Variants in PRRC2B observed in about 807,000 individuals in gnomAD.
PRRC2B encodes proline rich coiled-coil 2B.
A neutral mutation model predicts 242.3 loss-of-function variants in PRRC2B; 68 were observed. The ratio of observed to expected loss-of-function variants is 0.28; its 90% CI spans 0.23 to 0.34. The LOEUF is 0.34. Among genes scored for constraint, PRRC2B ranks in the 10% least tolerant of loss-of-function variants. PRRC2B has a pLI of 1.00. For missense variants in PRRC2B, 2,835 were observed against 2,954.8 expected, an observed-to-expected ratio of 0.96 and a Z score of 0.94; for synonymous variants, 1,228 against 1,173.6, an observed-to-expected ratio of 1.05 and a Z score of -0.95.
At chr9:131,423,358 G>A (rs746498971) in intron 1 of PRRC2B, among the ~76,000 whole-genome samples, 6 of 152,182 alleles carry the variant, frequency 3.9e-5, no homozygotes, top group Non-Finnish European at 8.8e-5. Context: ...CCCTGCCTCC[G>A]GATAGGCTAG....
intron 1 of PRRC2B, among the ~76,000 whole-genome samples, chr9:131,404,025 C>T (rs1837294673): frequency 6.6e-6 from 1 of 151,994 alleles, no homozygotes; most frequent in Non-Finnish European, 1.5e-5. Context: ...AAGCTGTCTT[C>T]CCATCTTGGC....
chr9:131,439,914 T>C (rs199574276), intron 5 of PRRC2B, among the ~76,000 whole-genome samples: 3 of 134,630 alleles, frequency 2.2e-5, no homozygotes, highest in Non-Finnish European at 4.9e-5. Context: ...TTTTTTTTTT[T>C]CTTTCCATTC....
In PRRC2B at chr9:131,474,481, C is replaced by G. The variant is rs564345992; in HGVS notation, c.2352C>G (p.Leu784=). Residue 784 remains leucine (L), a synonymous_variant, in exon 16 of 32, where the codon CTC becomes CTG. Coordinates refer to ENST00000683519, the MANE Select transcript of PRRC2B (RefSeq NM_013318.4). ...ATGAAAGCTCTTTCTCTGCCTCACT[C>G]GGAAGGGCAGGGGGCGTAAGTGCTC... ...VRNESSFSAS[L]GRAGGVSAQR... is the part of the protein sequence containing the mutation. 1 of 1,610,834 alleles carries G rather than the reference C, an allele frequency of 6.2e-7. No homozygotes were observed. Among genetic ancestry groups the G allele is most frequent in the South Asian group, 1.1e-5 (1 of 90,942 alleles).
At chr9:131,378,604 A>T (rs1836715646) in intron 1 of PRRC2B, among the ~76,000 whole-genome samples, 1 of 152,196 alleles carries the variant, frequency 6.6e-6, no homozygotes, top group African/African-American at 2.4e-5. Context: ...GGTGAGCTGA[A>T]CACTCCTGTG....
At chr9:131,402,964 C>G (rs1411315011) in intron 1 of PRRC2B, among the ~76,000 whole-genome samples, 5 of 152,226 alleles carry the variant, frequency 3.3e-5, no homozygotes, top group South Asian at 4.1e-4. Flanking sequence ...CTTCCCGACA[C>G]GCTTCAGGAT....
Position 131,474,825 on chromosome 9 carries a change from T to G in PRRC2B, c.2696T>G (p.Ile899Ser), listed in dbSNP as rs1564295998. The change falls in exon 16 of 32, where the codon ATC becomes AGC. Residue 899 changes from isoleucine to serine, a missense_variant. This residue lies in a region of PRRC2B where 1,536 missense variants were observed against 1,483.1 expected (regional missense o/e 1.04). Transcript: ENST00000683519. ...CCCCGGGAGGGGACGGCCTTTAACA[T>G]CTCCTCCTGGGACAAGAACGGGAGC... Reference protein sequence around the residue: ...ETPREGTAFNISSWDKNGSPN... With the variant: ...ETPREGTAFNSSSWDKNGSPN... 1 of 1,611,772 alleles carries G rather than the reference T, an allele frequency of 6.2e-7. No individual in the cohort carries two copies. The highest frequency in any genetic ancestry group is 1.1e-5 in the South Asian group (1 of 90,784).
chr9:131,388,023 T>G (rs945772016), intron 1 of PRRC2B, among the ~76,000 whole-genome samples: 1 of 149,832 alleles, frequency 6.7e-6, no homozygotes, highest in African/African-American at 2.4e-5. Flanking sequence ...AAACCCCATC[T>G]CTACCTAAAA....
chr9:131,479,790 G>T (rs1300982915), intron 19 of PRRC2B, among the ~76,000 whole-genome samples: 2 of 152,102 alleles, frequency 1.3e-5, no homozygotes, highest in African/African-American at 2.4e-5. Context: ...GCTCTCTTCT[G>T]TGCTGTGCAC....
At chr9:131,490,835 T>C (rs751506671) in intron 28 of PRRC2B, 9 of 308,766 alleles carry the variant, frequency 2.9e-5, no homozygotes, top group Non-Finnish European at 5.2e-5. Flanking sequence ...GCAGCTTTCA[T>C]CTTTTGGGAC....
At chr9:131,458,918 G>GA (rs1457619194) in intron 10 of PRRC2B, among the ~76,000 whole-genome samples, 1 of 152,222 alleles carries the variant, frequency 6.6e-6, no homozygotes, top group African/African-American at 2.4e-5. Context: ...GGATCATGAG[G>GA]ACTTTTTTTT....
At chr9:131,375,309 G>C (rs1051241878) in intron 1 of PRRC2B, among the ~76,000 whole-genome samples, 1 of 152,104 alleles carries the variant, frequency 6.6e-6, no homozygotes, top group African/African-American at 2.4e-5. Context: ...TAAGGCAGGA[G>C]AATTGCTTGA....
At chr9:131,380,826 TGAG>T (rs1181457834) in intron 1 of PRRC2B, among the ~76,000 whole-genome samples, 1 of 138,388 alleles carries the variant, frequency 7.2e-6, no homozygotes, top group Non-Finnish European at 1.5e-5. Context: ...TGCAGTGAGC[TGAG>T]ATCACACTAC....
intron 1 of PRRC2B, among the ~76,000 whole-genome samples, chr9:131,401,050 C>T (rs1370487952): frequency 1.3e-5 from 2 of 151,364 alleles, no homozygotes; most frequent in African/African-American, 2.4e-5. Flanking sequence ...CAACCTCTAC[C>T]TCTCGGGTTC....
intron 1 of PRRC2B, among the ~76,000 whole-genome samples, chr9:131,414,354 CAGAA>C (rs1369744291): frequency 1.4e-4 from 20 of 143,774 alleles, no homozygotes; most frequent in East Asian, 4.1e-4. Context: ...AAATCGGACA[CAGAA>C]AGCAGTAACC....
chr9:131,459,073 T>C (rs45458599), intron 10 of PRRC2B, 91 bp from the exon 11 acceptor site: 39,489 of 1,141,764 alleles, frequency 0.035, 817 homozygotes, highest in Non-Finnish European at 0.041. Flanking sequence ...TTTGGACAGC[T>C]GACTTGGGAA....
At chr9:131,426,303 A>G (rs958604140) in intron 1 of PRRC2B, among the ~76,000 whole-genome samples, 2 of 148,580 alleles carry the variant, frequency 1.3e-5, no homozygotes, top group African/African-American at 2.5e-5. Flanking sequence ...GTGCCACTGC[A>G]CTCCAGCCTG....
Position 131,455,586 on chromosome 9 carries a change from A to G in PRRC2B, c.1211+420A>G, listed in dbSNP as rs1216186461. ...GGCTGGAGTGCGGTGGCATGATGTC[A>G]GCTCACTAAAACCTCCATCTCCTGG... On this transcript the variant is annotated intron_variant, in intron 10 of 31. Transcript: ENST00000683519. 2.8e-5 allele frequency among the ~76,000 whole-genome samples: 4 copies of G among 140,926 alleles called. No homozygotes were observed. In the East Asian group the frequency reaches 8.3e-4, roughly 29 times the overall value. The allele number at this position is 140,926 out of a possible 152,430, so 92.5% of individuals were successfully genotyped here.
At chr9:131,467,859 G>A (rs1943440450) in intron 13 of PRRC2B, 106 bp downstream of exon 13, 1 of 1,182,990 alleles carries the variant, frequency 8.5e-7, no homozygotes, top group Non-Finnish European at 1.2e-6. Flanking sequence ...AAAAAGGCCA[G>A]AATATCCCTT....
chr9:131,416,218 T>A (rs558011629), intron 1 of PRRC2B, among the ~76,000 whole-genome samples: 1 of 152,010 alleles, frequency 6.6e-6, no homozygotes, highest in Non-Finnish European at 1.5e-5. Flanking sequence ...AAGTGATTCT[T>A]CTGCCTCAGC....
Sources: allele counts gnomAD v4.1 joint callset (sites outside exome capture counted in the v4.1 genomes callset), GRCh38; gene constraint gnomAD v4.1.1; regional missense constraint gnomAD v4.1.1; transcripts MANE v1.5; gene names NCBI Gene and HGNC (gene_info 2026-07-23, HGNC 2026-07-21).